The following NEGR1 variants were observed in gnomAD, a reference collection of about 807,000 sequenced individuals.
NEGR1 encodes the protein IgLON family member 4.
In NEGR1, 10 loss-of-function variants were observed where a neutral mutation model predicts 40.9. That is an observed-to-expected ratio of 0.24 (90% CI 0.15 to 0.42). NEGR1 has a LOEUF of 0.42. Ranked by LOEUF, NEGR1 falls within the 10% of genes least tolerant of loss-of-function variation. The pLI is 1.00. For synonymous variants in NEGR1, 185 were observed against 166.8 expected, an observed-to-expected ratio of 1.11 and a Z score of -0.84; for missense variants, 352 against 438.9, an observed-to-expected ratio of 0.80 and a Z score of 1.77.
At chr1:71,722,797 A>C (rs1478826762) in intron 3 of NEGR1, among the ~76,000 whole-genome samples, 1 of 152,106 alleles carries the variant, frequency 6.6e-6, no homozygotes, top group Non-Finnish European at 1.5e-5. Flanking sequence ...CAATTTTATA[A>C]GTTTTACCAT....
chr1:71,876,836 T>C (rs935933658), intron 2 of NEGR1, among the ~76,000 whole-genome samples: 3 of 152,106 alleles, frequency 2.0e-5, no homozygotes, highest in Non-Finnish European at 2.9e-5. Context: ...ACATTGCTTC[T>C]AAACTAAACT....
chr1:72,150,374 G>A (rs910650238), intron 1 of NEGR1, among the ~76,000 whole-genome samples: 1 of 152,118 alleles, frequency 6.6e-6, no homozygotes, highest in Admixed American at 6.6e-5. Flanking sequence ...TAAAGGTTAA[G>A]GGGCTACTAT....
At chr1:71,577,628 T>C (rs138248663) in intron 6 of NEGR1, among the ~76,000 whole-genome samples, 3 of 152,334 alleles carry the variant, frequency 2.0e-5, no homozygotes, top group African/African-American at 4.8e-5. Flanking sequence ...AATGTTATAA[T>C]AGGTTCCAGA....
At chr1:71,610,681 G>A (rs1392167781) in intron 5 of NEGR1, among the ~76,000 whole-genome samples, 2 of 152,202 alleles carry the variant, frequency 1.3e-5, no homozygotes, top group Non-Finnish European at 2.9e-5. Flanking sequence ...TGCTTTTGAA[G>A]TGCTCTTGTG....
intron 2 of NEGR1, among the ~76,000 whole-genome samples, chr1:71,911,638 G>C (rs899210289): frequency 1.3e-5 from 2 of 152,184 alleles, no homozygotes; most frequent in Non-Finnish European, 2.9e-5. Flanking sequence ...TATGTGAGTA[G>C]TTAGCAGCAA....
At chr1:71,434,033 T>C (rs1211322975) in intron 6 of NEGR1, among the ~76,000 whole-genome samples, 1 of 152,212 alleles carries the variant, frequency 6.6e-6, no homozygotes, top group Non-Finnish European at 1.5e-5. Context: ...ATTGTGTTTA[T>C]ATGCAGTTAA....
At chr1:71,615,239 T>G (rs1042658898) in intron 4 of NEGR1, among the ~76,000 whole-genome samples, 3 of 152,198 alleles carry the variant, frequency 2.0e-5, no homozygotes, top group African/African-American at 4.8e-5. Flanking sequence ...TTATTTATTC[T>G]TTATTCCTCT....
Position 71,611,073 on chromosome 1 carries a change from A to G in NEGR1, c.741T>C (p.Gly247=), listed in dbSNP as rs1650233329. Residue 247 remains glycine, a synonymous_variant, in exon 5 of 7, where the codon GGT becomes GGC. Transcript: ENST00000357731. ...CAAAGGCTGGAGGCGGCACACCTGC[A>G]CCTTCACATCTTATCAGGCCACTGC... ...PGRSGLIRCE[G]AGVPPPAFEW... The G allele has an allele frequency of 1.9e-6, 3 of 1,613,852 alleles. No homozygotes were observed. In the African/African-American group the frequency reaches 4.0e-5, roughly 22 times the overall value.
At chr1:71,507,684 A>G (rs989542395) in intron 6 of NEGR1, among the ~76,000 whole-genome samples, 2 of 152,202 alleles carry the variant, frequency 1.3e-5, no homozygotes, top group South Asian at 2.1e-4. Flanking sequence ...TCAAAATAAT[A>G]TTAGAACAGA....
chr1:72,163,428 G>A (rs1000017116), intron 1 of NEGR1, among the ~76,000 whole-genome samples: 21 of 151,838 alleles, frequency 1.4e-4, no homozygotes, highest in African/African-American at 4.1e-4. Flanking sequence ...TCTACCATGC[G>A]CTACATGATA....
intron 1 of NEGR1, among the ~76,000 whole-genome samples, chr1:72,222,630 T>C (rs1181097072): frequency 6.6e-6 from 1 of 152,148 alleles, no homozygotes; most frequent in Non-Finnish European, 1.5e-5. Flanking sequence ...TCCTTACACC[T>C]GAAATCTGGA....
intron 1 of NEGR1, among the ~76,000 whole-genome samples, chr1:72,278,062 A>G (rs549074576): frequency 3.9e-5 from 6 of 152,174 alleles, no homozygotes; most frequent in Non-Finnish European, 8.8e-5. Flanking sequence ...ATTCATTCAT[A>G]AATTTACTTG....
At chr1:72,066,461 T>G (rs1320695916) in intron 1 of NEGR1, among the ~76,000 whole-genome samples, 1 of 152,150 alleles carries the variant, frequency 6.6e-6, no homozygotes, top group African/African-American at 2.4e-5. Context: ...AAATAATGAT[T>G]AACTGTTATG....
chr1:72,025,438 T>C (rs1181305435), intron 1 of NEGR1, among the ~76,000 whole-genome samples: 1 of 152,150 alleles, frequency 6.6e-6, no homozygotes, highest in African/African-American at 2.4e-5. Context: ...AGTCTAAAAG[T>C]ATTTATTAAT....
chr1:71,987,702 G>A (rs1460936589), intron 1 of NEGR1, among the ~76,000 whole-genome samples: 2 of 152,122 alleles, frequency 1.3e-5, no homozygotes, highest in Non-Finnish European at 2.9e-5. Context: ...CCCCATTTGT[G>A]CCACAAAGGG....
chr1:71,907,749 C>T (rs1465566553), intron 2 of NEGR1, among the ~76,000 whole-genome samples: 1 of 152,056 alleles, frequency 6.6e-6, no homozygotes, highest in Non-Finnish European at 1.5e-5. Context: ...TGAAATCAAC[C>T]TAGGTGCCCA....
chr1:71,622,557 T>A (rs966382534), intron 4 of NEGR1, among the ~76,000 whole-genome samples: 1 of 151,896 alleles, frequency 6.6e-6, no homozygotes, highest in Non-Finnish European at 1.5e-5. Flanking sequence ...AATGAAAATA[T>A]GTTTCTACTT....
At chr1:71,569,843 C>T (rs948409628) in intron 6 of NEGR1, among the ~76,000 whole-genome samples, 5 of 152,084 alleles carry the variant, frequency 3.3e-5, no homozygotes, top group Non-Finnish European at 7.3e-5. Flanking sequence ...TTCAAATGAC[C>T]TTTAGAAAAG....
chr1:71,723,800 G>T (rs1463374793), intron 3 of NEGR1, among the ~76,000 whole-genome samples: 1 of 152,078 alleles, frequency 6.6e-6, no homozygotes, highest in East Asian at 1.9e-4. Context: ...AAAAGTACAG[G>T]TGTCCTCGGA....
Sources: allele counts gnomAD v4.1 joint callset (sites outside exome capture counted in the v4.1 genomes callset), GRCh38; gene constraint gnomAD v4.1.1; transcripts MANE v1.5; gene names NCBI Gene and HGNC (gene_info 2026-07-23, HGNC 2026-07-21).